Variants in SNTG2 observed in about 807,000 individuals in gnomAD.
SNTG2 encodes the protein syntrophin gamma 2.
SNTG2 carries 74 observed loss-of-function variants against 70.9 expected under a neutral mutation model. That is an observed-to-expected ratio of 1.04 (90% CI 0.86 to 1.27). The LOEUF (loss-of-function observed/expected upper bound fraction) is 1.27. SNTG2 is among the 50% of genes most tolerant of loss of function. The pLI is 0.00. For synonymous variants in SNTG2, 278 were observed against 273.8 expected, an observed-to-expected ratio of 1.02 and a Z score of -0.15; for missense variants, 717 against 690.7, an observed-to-expected ratio of 1.04 and a Z score of -0.43.
At chr2:1,032,748 T>C (rs1328920080) in intron 1 of SNTG2, among the ~76,000 whole-genome samples, 2 of 151,588 alleles carry the variant, frequency 1.3e-5, no homozygotes, top group East Asian at 3.9e-4. Flanking sequence ...CATTGGTAGA[T>C]ACACCCTTGG....
intron 6 of SNTG2, among the ~76,000 whole-genome samples, chr2:1,162,784 G>C (rs1456714307): frequency 6.6e-6 from 1 of 152,168 alleles, no homozygotes; most frequent in Non-Finnish European, 1.5e-5. Flanking sequence ...TTGTGCGGGG[G>C]GAGGATAGAA....
chr2:1,072,385 G>A (rs1572363787), intron 1 of SNTG2, among the ~76,000 whole-genome samples: 1 of 134,232 alleles, frequency 7.4e-6, no homozygotes, highest in African/African-American at 2.8e-5. Flanking sequence ...AAAATCCTAG[G>A]GCCCTTAAGC....
chr2:1,235,761 C>G (rs1026065910), intron 9 of SNTG2, among the ~76,000 whole-genome samples: 2 of 152,216 alleles, frequency 1.3e-5, no homozygotes, highest in African/African-American at 4.8e-5. Context: ...CCTCCCCAGG[C>G]CTTTGGAGAA....
At chr2:1,181,464 G>C (rs965499856) in intron 8 of SNTG2, among the ~76,000 whole-genome samples, 6 of 152,120 alleles carry the variant, frequency 3.9e-5, no homozygotes, top group African/African-American at 1.4e-4. Flanking sequence ...CAGGCCTGAT[G>C]GAGCAAAAAG....
chr2:978,599 G>T (rs181890431), intron 1 of SNTG2, among the ~76,000 whole-genome samples: 1 of 152,268 alleles, frequency 6.6e-6, no homozygotes, highest in Non-Finnish European at 1.5e-5. Context: ...GTTTGCTGAA[G>T]CCTTCTGCCC....
chr2:1,113,054 A>C (rs144619814), intron 4 of SNTG2, among the ~76,000 whole-genome samples: 1 of 150,354 alleles, frequency 6.7e-6, no homozygotes, highest in East Asian at 2.0e-4. Flanking sequence ...GTCCTTTGAG[A>C]AAGATGGTGT....
intron 1 of SNTG2, among the ~76,000 whole-genome samples, chr2:1,050,171 T>C (rs1214470039): frequency 1.6e-4 from 24 of 152,212 alleles, no homozygotes; most frequent in Non-Finnish European, 1.5e-5. Context: ...CTTGGTAATA[T>C]TCACTGAACA....
intron 9 of SNTG2, among the ~76,000 whole-genome samples, chr2:1,215,491 G>A (rs1674318530): frequency 6.6e-6 from 1 of 151,520 alleles, no homozygotes; most frequent in Non-Finnish European, 1.5e-5. Flanking sequence ...TAGGTTGTAT[G>A]TTTCTAGGAA....
chr2:1,352,510 C>T (rs150718167), intron 16 of SNTG2, among the ~76,000 whole-genome samples: 34 of 152,330 alleles, frequency 2.2e-4, no homozygotes, highest in African/African-American at 7.2e-4. Context: ...AGCAACCCTG[C>T]GAGTGTAAAC....
intron 8 of SNTG2, among the ~76,000 whole-genome samples, chr2:1,208,238 G>C (rs1673778719): frequency 6.6e-6 from 1 of 151,928 alleles, no homozygotes; most frequent in African/African-American, 2.4e-5. Context: ...CTGTGAGTGT[G>C]GGGCACACCT....
At chr2:1,329,050 A>ATT (rs1386329518) in intron 16 of SNTG2, among the ~76,000 whole-genome samples, 1 of 152,160 alleles carries the variant, frequency 6.6e-6, no homozygotes, top group Non-Finnish European at 1.5e-5. Flanking sequence ...ATCCTTTTAT[A>ATT]AGGTATTAGC....
In SNTG2 at chr2:1,005,232, T is replaced by A. The variant is rs142021306; in HGVS notation, c.72+54164T>A. On this transcript the variant is annotated intron_variant, in intron 1 of 16. Transcript: ENST00000308624. ...AGGGCAGTGAAACTGAGTTGTATGA[T>A]CCTGTAGTGGTGGACAGGTGTCATT... 1.0e-3 allele frequency among the ~76,000 whole-genome samples: 155 copies of A among 152,236 alleles called. 1 individual carries two copies. Among genetic ancestry groups the A allele is most frequent in the Non-Finnish European group, 1.8e-3 (123 of 68,014 alleles).
chr2:1,087,441 G>A (rs1202702322), intron 2 of SNTG2, among the ~76,000 whole-genome samples: 1 of 152,100 alleles, frequency 6.6e-6, no homozygotes, highest in South Asian at 2.1e-4. Flanking sequence ...ACTGTTCCCG[G>A]GTAAATGCAG....
intron 14 of SNTG2, among the ~76,000 whole-genome samples, chr2:1,297,772 C>T (rs893836758): frequency 1.3e-5 from 2 of 152,234 alleles, no homozygotes; most frequent in Non-Finnish European, 2.9e-5. Context: ...GTCCAGAAGG[C>T]AGGGATCTTG....
intron 2 of SNTG2, among the ~76,000 whole-genome samples, chr2:1,086,256 G>A (rs1664677217): frequency 6.6e-6 from 1 of 152,252 alleles, no homozygotes; most frequent in Admixed American, 6.5e-5. Context: ...TTTAACCTGT[G>A]CATCAGGGGA....
chr2:1,183,441 A>T (rs1479719901), intron 8 of SNTG2, among the ~76,000 whole-genome samples: 1 of 152,138 alleles, frequency 6.6e-6, no homozygotes, highest in African/African-American at 2.4e-5. Context: ...CAGTTTTTCA[A>T]ACAGGTTGTA....
chr2:1,183,555 A>G (rs1335692105), intron 8 of SNTG2, among the ~76,000 whole-genome samples: 2 of 152,220 alleles, frequency 1.3e-5, no homozygotes, highest in South Asian at 2.1e-4. Flanking sequence ...GATAGAGAAT[A>G]GTATTTCTTT....
intron 1 of SNTG2, among the ~76,000 whole-genome samples, chr2:1,021,936 CTTT>C (rs71392556): frequency 0.012 from 1,438 of 121,104 alleles, 19 homozygotes; most frequent in African/African-American, 0.04. Flanking sequence ...GTTTTATGTG[CTTT>C]TTTTTTTTTT....
At chr2:1,208,217 G>A (rs1000947192) in intron 8 of SNTG2, among the ~76,000 whole-genome samples, 16 of 148,144 alleles carry the variant, frequency 1.1e-4, no homozygotes, top group East Asian at 3.9e-4. Flanking sequence ...GCCTGTGAGC[G>A]CGGGTTACAC....
Sources: allele counts gnomAD v4.1 joint callset (sites outside exome capture counted in the v4.1 genomes callset), GRCh38; gene constraint gnomAD v4.1.1; transcripts MANE v1.5; gene names NCBI Gene and HGNC (gene_info 2026-07-23, HGNC 2026-07-21).